CADPS: variants seen among roughly 807,000 people sequenced by gnomAD.
CADPS encodes the protein calcium dependent secretion activator, also known as calcium-dependent secretion activator 1.
CADPS carries 57 observed loss-of-function variants against 167.3 expected under a neutral mutation model. That is an observed-to-expected ratio of 0.34 (90% CI 0.28 to 0.42). The LOEUF is 0.42. Among genes scored for constraint, CADPS ranks in the 20% least tolerant of loss-of-function variants. The pLI, the probability that CADPS is intolerant of heterozygous loss-of-function variation, is 1.00. For synonymous variants in CADPS, 676 were observed against 635.3 expected (o/e 1.06, Z -0.96); for missense variants, 1,414 against 1,738.1 (o/e 0.81, Z 3.32).
intron 3 of CADPS, among the ~76,000 whole-genome samples, chr3:62,749,985 T>C (rs1401300436): frequency 6.6e-6 from 1 of 152,200 alleles, no homozygotes; most frequent in Admixed American, 6.5e-5. Flanking sequence ...TTAATGCATA[T>C]TATTTTTTTG....
intron 3 of CADPS, among the ~76,000 whole-genome samples, chr3:62,740,228 T>A (rs756583966): frequency 2.6e-5 from 4 of 152,222 alleles, no homozygotes; most frequent in Non-Finnish European, 5.9e-5. Flanking sequence ...AACAACTGCA[T>A]AGGGCATGGT....
chr3:62,805,190 G>C (rs1271968857), intron 1 of CADPS, among the ~76,000 whole-genome samples: 1 of 152,120 alleles, frequency 6.6e-6, no homozygotes, highest in East Asian at 1.9e-4. Context: ...CCCTGGAATG[G>C]GGTTAGGGGT....
chr3:62,859,449 C>T (rs1395291391), intron 1 of CADPS, among the ~76,000 whole-genome samples: 1 of 152,150 alleles, frequency 6.6e-6, no homozygotes, highest in Admixed American at 6.5e-5. Flanking sequence ...TTGGGCTCTC[C>T]ACATAGAAAG....
Position 62,615,004 on chromosome 3 carries a change from G to T in CADPS, c.1326-22256C>A, listed in dbSNP as rs993014388. On this transcript the variant is annotated intron_variant, in intron 6 of 29. Coordinates refer to ENST00000383710, the MANE Select transcript of CADPS (RefSeq NM_003716.4). ...ATACCATTGAGAGCTCTCAATAAAT[G>T]TTAGCAATATGTGATTTAGGATGAA... 2.0e-5 allele frequency among the ~76,000 whole-genome samples: 3 copies of T among 152,192 alleles called. 1 individual carries two copies. Among genetic ancestry groups the T allele is most frequent in the Admixed American group, 2.0e-4 (3 of 15,258 alleles).
rs1180984425 is a variant in CADPS, at chr3:62,874,637, G to A, written c.393C>T (p.Tyr131=). 5 of 1,560,686 alleles carry A rather than the reference G, an allele frequency of 3.2e-6. No homozygotes were observed. Among genetic ancestry groups the A allele is most frequent in the East Asian group, 2.4e-5 (1 of 41,906 alleles). The change falls in exon 1 of 30, where the codon TAC becomes TAT. Residue 131 remains tyrosine, a synonymous_variant. Coordinates refer to ENST00000383710, the MANE Select transcript of CADPS (RefSeq NM_003716.4). This position sits in a 1 kb window ranked among gnomAD's most constrained non-coding sequence, Gnocchi z 7.1. ...CGGTGGGCTGCTTGGCATTAAAGGGGTAGGCGATGCAGCGCATCACGAACA... is the reference window on the plus strand; with the variant it reads ...CGGTGGGCTGCTTGGCATTAAAGGGATAGGCGATGCAGCGCATCACGAACA... ...LYVFVMRCIA[Y]PFNAKQPTDM... is the part of the protein sequence containing the mutation.
intron 6 of CADPS, among the ~76,000 whole-genome samples, chr3:62,624,986 T>G (rs1434411279): frequency 6.9e-6 from 1 of 143,906 alleles, no homozygotes; most frequent in Non-Finnish European, 1.5e-5. Flanking sequence ...TCTTATTTTG[T>G]CTGGTGATGA....
At position 62,585,072 on chromosome 3, in the gene CADPS, C is replaced by G. The variant is rs145947844; in HGVS notation, c.1577+113G>C. The G allele has an allele frequency of 1.3e-5, 13 of 981,266 alleles. No individual in the cohort carries two copies. In the Admixed American group the frequency reaches 3.1e-4, roughly 24 times the overall value. The allele number at this position is 981,266 out of a possible 1,614,324, so 60.8% of individuals were successfully genotyped here. On this transcript the variant is annotated intron_variant, in intron 8 of 29. Coordinates refer to ENST00000383710, the MANE Select transcript of CADPS (RefSeq NM_003716.4). ...AAAGTCGAATATTTTAATATGAATTCTTTATATTTCCTTCTACATAGTTCT... is the reference window on the plus strand; with the variant it reads ...AAAGTCGAATATTTTAATATGAATTGTTTATATTTCCTTCTACATAGTTCT...
At chr3:62,568,701 A>G (rs1164521141) in intron 9 of CADPS, among the ~76,000 whole-genome samples, 1 of 152,194 alleles carries the variant, frequency 6.6e-6, no homozygotes, top group African/African-American at 2.4e-5. Context: ...CATGTGAGCC[A>G]GTTCTCCCTA....
intron 1 of CADPS, among the ~76,000 whole-genome samples, chr3:62,853,176 T>C (rs538292486): frequency 4.6e-5 from 7 of 152,322 alleles, no homozygotes; most frequent in Admixed American, 3.9e-4. Context: ...ACTTTTATCA[T>C]GTCTTTCTGG....
At chr3:62,490,743 T>C (rs977862398) in intron 21 of CADPS, among the ~76,000 whole-genome samples, 1 of 152,196 alleles carries the variant, frequency 6.6e-6, no homozygotes, top group Non-Finnish European at 1.5e-5. Flanking sequence ...TAAAGGTTTT[T>C]TTTAAAAAGG....
intron 18 of CADPS, among the ~76,000 whole-genome samples, chr3:62,496,418 C>T (rs1360749562): frequency 6.6e-6 from 1 of 152,218 alleles, no homozygotes; most frequent in Non-Finnish European, 1.5e-5. Context: ...TTCTGGCCCA[C>T]TGTACCTTGA....
intron 6 of CADPS, among the ~76,000 whole-genome samples, chr3:62,628,714 C>T (rs1009215848): frequency 6.6e-6 from 1 of 151,592 alleles, no homozygotes; most frequent in Non-Finnish European, 1.5e-5. Context: ...GCAACTTCTG[C>T]CTCCTGGGTT....
intron 1 of CADPS, among the ~76,000 whole-genome samples, chr3:62,778,358 T>G (rs2090825459): frequency 6.6e-6 from 1 of 152,232 alleles, no homozygotes; most frequent in African/African-American, 2.4e-5. Context: ...GTAAGTCTAT[T>G]TTTTAGTAAC....
chr3:62,552,611 AG>A (rs761696108), intron 10 of CADPS, among the ~76,000 whole-genome samples: 7 of 152,226 alleles, frequency 4.6e-5, no homozygotes, highest in Non-Finnish European at 1.0e-4. Context: ...AGGTCCAGCC[AG>A]TAATCTGTTT....
At chr3:62,610,316 T>C (rs1284521764) in intron 6 of CADPS, among the ~76,000 whole-genome samples, 1 of 152,070 alleles carries the variant, frequency 6.6e-6, no homozygotes, top group Admixed American at 6.5e-5. Context: ...AGTGGCACAA[T>C]CTCAGCTCAC....
At chr3:62,524,126 T>C (rs976452569) in intron 13 of CADPS, among the ~76,000 whole-genome samples, 11 of 152,344 alleles carry the variant, frequency 7.2e-5, no homozygotes, top group Admixed American at 4.6e-4. Context: ...TTATTACTTC[T>C]AGTTTTAGAA....
intron 3 of CADPS, among the ~76,000 whole-genome samples, chr3:62,741,724 T>A (rs1356188753): frequency 1.3e-5 from 2 of 152,148 alleles, no homozygotes; most frequent in Non-Finnish European, 2.9e-5. Context: ...AAGACAAGGA[T>A]GCCCTCTCTC....
At chr3:62,450,115 G>T (rs1052199158) in intron 26 of CADPS, among the ~76,000 whole-genome samples, 2 of 152,090 alleles carry the variant, frequency 1.3e-5, no homozygotes, top group Non-Finnish European at 2.9e-5. Flanking sequence ...TCTGGCCCAC[G>T]GGCAATTTCT....
chr3:62,683,348 C>G (rs915407385), intron 3 of CADPS, among the ~76,000 whole-genome samples: 1 of 152,008 alleles, frequency 6.6e-6, no homozygotes, highest in Non-Finnish European at 1.5e-5. Flanking sequence ...GGTGGCCAAA[C>G]CGACTAAATA....
Sources: gnomAD v4.1 joint callset for allele counts (sites outside exome capture counted in the v4.1 genomes callset) on GRCh38, gnomAD v4.1.1 for gene constraint, Gnocchi (gnomAD v3.1) non-coding constraint, MANE v1.5 for transcripts, NCBI Gene and HGNC (gene_info 2026-07-23, HGNC 2026-07-21) for gene names.